Variants in MCPH1 observed in about 807,000 individuals in gnomAD.
MCPH1 encodes microcephalin.
Under a neutral mutation model 84.5 loss-of-function variants are expected in MCPH1, and 104 were observed. That is an observed-to-expected ratio of 1.23 (90% CI 1.05 to 1.45). MCPH1 has a LOEUF of 1.45. Ranked by LOEUF, MCPH1 falls within the 40% of genes most tolerant of loss-of-function variation. MCPH1 has a pLI of 0.00. For synonymous variants in MCPH1, 514 were observed against 366.8 expected (o/e 1.40, Z -4.58); for missense variants, 1,498 against 1,005.7 (o/e 1.49, Z -6.62).
At chr8:6,501,960 A>T (rs1267827892) in intron 12 of MCPH1, 1 of 151,806 alleles carries the variant, frequency 6.6e-6, no homozygotes, top group Non-Finnish European at 1.5e-5. Flanking sequence ...TGATTGACAT[A>T]AAAAAACTTA....
intron 3 of MCPH1, among the ~76,000 whole-genome samples, chr8:6,418,014 C>A (rs928458711): frequency 6.6e-6 from 1 of 152,158 alleles, no homozygotes; most frequent in African/African-American, 2.4e-5. Flanking sequence ...CTTAGATGCG[C>A]CCTTTAAGCC....
chr8:6,542,950 C>T (rs1783832469), intron 12 of MCPH1, among the ~76,000 whole-genome samples: 1 of 152,046 alleles, frequency 6.6e-6, no homozygotes, highest in Non-Finnish European at 1.5e-5. Context: ...TTTTGCTGTC[C>T]TTTATAAGGC....
intron 12 of MCPH1, among the ~76,000 whole-genome samples, chr8:6,547,822 C>A (rs558106310): frequency 6.0e-4 from 91 of 151,942 alleles, no homozygotes; most frequent in Non-Finnish European, 9.7e-4. Flanking sequence ...AAGAAGGGAG[C>A]CGTGGCAGAG....
At chr8:6,422,715 G>C (rs1358228540) in intron 3 of MCPH1, among the ~76,000 whole-genome samples, 9 of 152,174 alleles carry the variant, frequency 5.9e-5, no homozygotes, top group Admixed American at 2.6e-4. Context: ...TGGAGACTGA[G>C]TCTCACTCTC....
chr8:6,493,218 A>G (rs972392111), intron 11 of MCPH1, among the ~76,000 whole-genome samples: 8 of 152,212 alleles, frequency 5.3e-5, no homozygotes, highest in Non-Finnish European at 1.0e-4. Context: ...GTCATTGCTT[A>G]GCTGTATTTA....
rs577442069 is a variant in MCPH1 at position 6,414,946 on chromosome 8, T to C, written c.233+63T>C. On this transcript the variant is annotated intron_variant, in intron 3 of 13. Transcript: ENST00000344683. ...CTAGTATTGAAAATGTGTGGAGATA[T>C]TTTTCACAGATCGCAGAACCAGATA... 1,175 of 1,553,626 alleles carry C rather than the reference T, an allele frequency of 7.6e-4. 1 individual carries two copies. The highest frequency in any genetic ancestry group is 9.5e-4 in the Non-Finnish European group (1,071 of 1,129,374).
intron 11 of MCPH1, among the ~76,000 whole-genome samples, chr8:6,481,646 C>T (rs1809256914): frequency 6.6e-6 from 1 of 152,174 alleles, no homozygotes; most frequent in Non-Finnish European, 1.5e-5. Flanking sequence ...GCAAAAGCTA[C>T]ACATGTATTT....
chr8:6,622,476 A>G (rs1831558129), intron 13 of MCPH1, among the ~76,000 whole-genome samples: 1 of 152,230 alleles, frequency 6.6e-6, no homozygotes, highest in South Asian at 2.1e-4. Flanking sequence ...GTGGAGTCAT[A>G]TGTGGCGGGA....
At chr8:6,614,881 C>T (rs1292470582) in intron 12 of MCPH1, among the ~76,000 whole-genome samples, 1 of 152,128 alleles carries the variant, frequency 6.6e-6, no homozygotes, top group African/African-American at 2.4e-5. Flanking sequence ...TCCCCAACCC[C>T]ATACCCCACC....
chr8:6,590,355 A>G (rs1167537320), intron 12 of MCPH1, among the ~76,000 whole-genome samples: 3 of 152,220 alleles, frequency 2.0e-5, no homozygotes, highest in African/African-American at 7.2e-5. Context: ...AGTGAATGGA[A>G]ACATTTGGTT....
chr8:6,436,768 G>A (rs577194166), intron 5 of MCPH1, among the ~76,000 whole-genome samples: 118 of 152,012 alleles, frequency 7.8e-4, no homozygotes, highest in African/African-American at 2.8e-3. Context: ...AGGAGATAGA[G>A]ACCATCCTGG....
intron 12 of MCPH1, among the ~76,000 whole-genome samples, chr8:6,613,006 A>C (rs1830420346): frequency 1.3e-5 from 2 of 152,358 alleles, no homozygotes; most frequent in African/African-American, 4.8e-5. Flanking sequence ...ACGGGACAGA[A>C]GGAAGACCTG....
At chr8:6,506,778 C>CTT (rs552063597) in intron 12 of MCPH1, among the ~76,000 whole-genome samples, 4 of 128,088 alleles carry the variant, frequency 3.1e-5, no homozygotes, top group East Asian at 2.3e-4. Context: ...CAGAGGATTG[C>CTT]TTTTTTTTTT....
At chr8:6,438,013 T>C (rs1434273295) in intron 5 of MCPH1, among the ~76,000 whole-genome samples, 2 of 152,184 alleles carry the variant, frequency 1.3e-5, no homozygotes, top group East Asian at 1.9e-4. Flanking sequence ...AGGAAAAATA[T>C]TCAGGATAAA....
chr8:6,476,042 A>G (rs1340267788), intron 9 of MCPH1, among the ~76,000 whole-genome samples: 2 of 152,226 alleles, frequency 1.3e-5, no homozygotes, highest in African/African-American at 4.8e-5. Context: ...ATAGATGCCA[A>G]GGCTATATGA....
intron 13 of MCPH1, among the ~76,000 whole-genome samples, chr8:6,633,865 CCCT>C (rs994707442): frequency 1.3e-5 from 2 of 152,132 alleles, no homozygotes; most frequent in African/African-American, 2.4e-5. Flanking sequence ...CTGCAGATCC[CCCT>C]ATGTGTAACA....
intron 12 of MCPH1, among the ~76,000 whole-genome samples, chr8:6,579,491 A>T (rs1425935437): frequency 6.6e-6 from 1 of 152,164 alleles, no homozygotes; most frequent in Non-Finnish European, 1.5e-5. Flanking sequence ...TGCATTAGTA[A>T]GGGAAGTGTT....
intron 2 of MCPH1, among the ~76,000 whole-genome samples, chr8:6,409,691 T>G (rs930142184): frequency 4.5e-4 from 8 of 17,930 alleles, no homozygotes; most frequent in African/African-American, 7.7e-4. Context: ...AATTGTAAAT[T>G]TGGGCATACT....
rs1172534434 is a variant in MCPH1 at position 6,646,542 on chromosome 8, A to T, written c.*3493A>T. 1.4e-4 allele frequency: 21 copies of T among 151,834 alleles called. No homozygotes were observed. Among genetic ancestry groups the T allele is most frequent in the South Asian group, 6.3e-4 (3 of 4,776 alleles). The allele number at this position is 151,834 out of a possible 1,614,324, so 9.4% of individuals were successfully genotyped here. On this transcript the variant is annotated 3_prime_UTR_variant, in exon 14 of 14. Transcript: ENST00000344683. Reference sequence around the variant, plus strand: ...TTTCAACAAATGGTGCTGGCAGAAGAAAAAAAAAGTACTTGGATCCTTACC... The same window carrying T: ...TTTCAACAAATGGTGCTGGCAGAAGTAAAAAAAAGTACTTGGATCCTTACC...
Sources: gnomAD v4.1 joint callset for allele counts (sites outside exome capture counted in the v4.1 genomes callset) on GRCh38, gnomAD v4.1.1 for gene constraint, MANE v1.5 for transcripts, NCBI Gene and HGNC (gene_info 2026-07-23, HGNC 2026-07-21) for gene names.